Variants in PAQR3 observed in about 807,000 individuals in gnomAD.
PAQR3 encodes Raf kinase trapping to Golgi.
PAQR3 carries 39 observed loss-of-function variants against 41.7 expected under a neutral mutation model. The observed-to-expected ratio is 0.93, with a 90% CI of 0.72 to 1.22. PAQR3 has a LOEUF of 1.22. Among genes scored for constraint, PAQR3 ranks in the 50% most tolerant of loss-of-function variants. The pLI, the probability that PAQR3 is intolerant of heterozygous loss-of-function variation, is 0.00. For missense variants in PAQR3, 366 were observed against 385.6 expected, an observed-to-expected ratio of 0.95 and a Z score of 0.42; for synonymous variants, 140 against 140.6, an observed-to-expected ratio of 1.00 and a Z score of 0.03.
rs1158409250 is a variant in PAQR3, at chr4:78,918,998, C to T, written c.*1541G>A. 4 of 984,774 alleles carry T rather than the reference C, an allele frequency of 4.1e-6. No homozygotes were observed. The highest frequency in any genetic ancestry group is 6.2e-5 in the Admixed American group (1 of 16,172). The allele number at this position is 984,774 out of a possible 1,614,324, so 61.0% of individuals were successfully genotyped here. A position where few individuals can be genotyped will look rare whatever the true frequency, so the allele number is the denominator to read the frequency against. Reference sequence around the variant, plus strand: ...TTCCATCATAACGATGGGTAAGACACGGTATTCCTTTACTGAGCCTCCTGG... The same window carrying T: ...TTCCATCATAACGATGGGTAAGACATGGTATTCCTTTACTGAGCCTCCTGG... On this transcript the variant is annotated 3_prime_UTR_variant, in exon 6 of 6. Transcript: ENST00000512733.
chr4:78,928,937 C>T (rs754624992), intron 3 of PAQR3, among the ~76,000 whole-genome samples: 4 of 152,256 alleles, frequency 2.6e-5, no homozygotes, highest in Non-Finnish European at 5.9e-5. Flanking sequence ...ATTGCACAAC[C>T]TAAATCCTTT....
At chr4:78,935,043 C>CT in intron 2 of PAQR3, 78 bp downstream of exon 2, 3 of 1,401,224 alleles carry the variant, frequency 2.1e-6, no homozygotes, top group Non-Finnish European at 9.8e-7. Flanking sequence ...AGTGGTAGGT[C>CT]TGAGGTAAGG....
chr4:78,919,808 T>G lies in PAQR3; in HGVS notation c.*731A>C. 1 of 982,306 alleles carries G rather than the reference T, an allele frequency of 1.0e-6. No individual in the cohort carries two copies. Among genetic ancestry groups the G allele is most frequent in the Non-Finnish European group, 1.2e-6 (1 of 827,092 alleles). The allele number at this position is 982,306 out of a possible 1,614,324, so 60.8% of individuals were successfully genotyped here. A position where few individuals can be genotyped will look rare whatever the true frequency, so the allele number is the denominator to read the frequency against. On this transcript the variant is annotated 3_prime_UTR_variant, in exon 6 of 6. Transcript: ENST00000512733. The stretch of plus-strand genomic sequence containing the variant: ...GGAATTAAAATGTTTAGGTGGCTAA[T>G]GACTATATTATTTGACCACATAATT...
chr4:78,911,961 A>C lies in PAQR3; in HGVS notation c.*8578T>G, dbSNP rs1734649688. ...AACTTGTGGTGCAAAGCATCACTCC[A>C]CATCAGTCCCAACAGTCCCAACCAG... On this transcript the variant is annotated 3_prime_UTR_variant, in exon 6 of 6. Transcript: ENST00000512733. 1 of 1,613,878 alleles carries C rather than the reference A, an allele frequency of 6.2e-7. No homozygotes were observed. The highest frequency in any genetic ancestry group is 8.5e-7 in the Non-Finnish European group (1 of 1,179,880).
At position 78,935,208 on chromosome 4, in the gene PAQR3, T is replaced by C; in HGVS notation, c.261A>G (p.Gly87=). The C allele has an allele frequency of 6.2e-7, 1 of 1,613,754 alleles. No individual in the cohort carries two copies. The highest frequency in any genetic ancestry group is 8.5e-7 in the Non-Finnish European group (1 of 1,179,748). The part of the protein sequence containing the change: ...LLGFFLFFTL[G]IYDMTSVLPS... ...GTAACACAGATGTCATGTCATATAT[T>C]CCCAGGGTGAAGAAGAGAAAGAAAC... is the stretch of plus-strand genomic sequence containing the variant. The change falls in exon 2 of 6, where the codon GGA becomes GGG. Residue 87 remains glycine (G), a synonymous_variant. Transcript: ENST00000512733.
chr4:78,905,019 T>C (rs928417123), intron 11 of PAQR3, among the ~76,000 whole-genome samples: 3 of 151,952 alleles, frequency 2.0e-5, no homozygotes, highest in East Asian at 1.9e-4. Context: ...TGTATAAATA[T>C]GTGGAATATA....
At chr4:78,897,614 T>A (rs1733770775) in intron 11 of PAQR3, among the ~76,000 whole-genome samples, 1 of 152,194 alleles carries the variant, frequency 6.6e-6, no homozygotes. Context: ...TGTAAAACTT[T>A]TTGATCCTTT....
rs553681933 is a variant in PAQR3, at chr4:78,912,386, G to A, written c.*8153C>T. 38 of 189,832 alleles carry A rather than the reference G, an allele frequency of 2.0e-4. No individual in the cohort carries two copies. The highest frequency in any genetic ancestry group is 8.4e-4 in the African/African-American group (36 of 42,856). The allele number at this position is 189,832 out of a possible 1,614,324, so 11.8% of individuals were successfully genotyped here. The stretch of plus-strand genomic sequence containing the variant: ...AAACTGTTATTTTTGATATCAGAAT[G>A]TCATTTTTATGTGCATATCCCTAAA... On this transcript the variant is annotated 3_prime_UTR_variant, in exon 6 of 6. Coordinates refer to ENST00000512733, the MANE Select transcript of PAQR3 (RefSeq NM_001040202.2).
intron 4 of PAQR3, 66 bp from the exon 5 acceptor site, chr4:78,924,013 A>C: frequency 8.7e-7 from 1 of 1,156,034 alleles, no homozygotes; most frequent in Non-Finnish European, 1.3e-6. Flanking sequence ...TTTATTATGA[A>C]TCTAATAGTG....
At chr4:78,927,191 T>TCTAA (rs1470803837) in intron 3 of PAQR3, among the ~76,000 whole-genome samples, 1 of 152,112 alleles carries the variant, frequency 6.6e-6, no homozygotes, top group Non-Finnish European at 1.5e-5. Flanking sequence ...AGAGATGACA[T>TCTAA]CTAAGATTTT....
chr4:78,920,789 G>A, intron 5 of PAQR3, 108 bp from the exon 6 acceptor site: 1 of 1,217,658 alleles, frequency 8.2e-7, no homozygotes, highest in Non-Finnish European at 1.1e-6. Flanking sequence ...CATAGTCTCA[G>A]AGTGCCTAGA....
At chr4:78,889,582 A>C (rs1733315293) in intron 11 of PAQR3, among the ~76,000 whole-genome samples, 1 of 152,216 alleles carries the variant, frequency 6.6e-6, no homozygotes. Flanking sequence ...GAACCTACTG[A>C]AACAAGAATT....
Position 78,912,505 on chromosome 4 carries a change from T to C in PAQR3, c.*8034A>G, listed in dbSNP as rs1279720724. On this transcript the variant is annotated 3_prime_UTR_variant, in exon 6 of 6. Coordinates refer to ENST00000512733, the MANE Select transcript of PAQR3 (RefSeq NM_001040202.2). ...ACAGTTAAAAACAATCTAGTTATCT[T>C]AAAGCATTAGAAAGTTATTATCTGG... 1 of 154,358 alleles carries C rather than the reference T, an allele frequency of 6.5e-6. No homozygotes were observed. Among genetic ancestry groups the C allele is most frequent in the East Asian group, 1.9e-4 (1 of 5,220 alleles). 9.6% of individuals were successfully genotyped at this position (154,358 alleles called of 1,614,324 possible). A position where few individuals can be genotyped will look rare whatever the true frequency, so the allele number is the denominator to read the frequency against.
chr4:78,936,351 CA>C (rs1658945260), intron 1 of PAQR3, among the ~76,000 whole-genome samples: 1 of 152,196 alleles, frequency 6.6e-6, no homozygotes, highest in African/African-American at 2.4e-5. Flanking sequence ...ATGACATTGA[CA>C]TATAACTCTA....
At chr4:78,896,730 CTG>C (rs757155775) in intron 11 of PAQR3, among the ~76,000 whole-genome samples, 15 of 152,272 alleles carry the variant, frequency 9.9e-5, no homozygotes, top group Admixed American at 2.0e-4. Context: ...AATATTTAAA[CTG>C]TTTTTTATCA....
downstream of PAQR3, among the ~76,000 whole-genome samples, chr4:78,907,830 T>C (rs1168322213): frequency 2.0e-5 from 3 of 152,160 alleles, no homozygotes; most frequent in Non-Finnish European, 4.4e-5. Flanking sequence ...GGAATGTTAC[T>C]TGGAGGTGTC....
chr4:78,904,053 T>C (rs1050935948), intron 11 of PAQR3, among the ~76,000 whole-genome samples: 3 of 151,950 alleles, frequency 2.0e-5, no homozygotes, highest in Admixed American at 6.6e-5. Flanking sequence ...TTTCAAGATA[T>C]AATTGGAATT....
Position 78,916,814 on chromosome 4 carries a change from T to C in PAQR3, c.*3725A>G, listed in dbSNP as rs1281248192. ...CTCAATTATATCAGAAAAGAGGCTATGACACATTAAAGAGAAAACCTATTT... is the reference window on the plus strand; with the variant it reads ...CTCAATTATATCAGAAAAGAGGCTACGACACATTAAAGAGAAAACCTATTT... On this transcript the variant is annotated 3_prime_UTR_variant, in exon 6 of 6. Transcript: ENST00000512733. The C allele has an allele frequency of 1.3e-5, 2 of 151,904 alleles. No homozygotes were observed. The highest frequency in any genetic ancestry group is 2.9e-5 in the Non-Finnish European group (2 of 67,858). The allele number at this position is 151,904 out of a possible 1,614,324, so 9.4% of individuals were successfully genotyped here.
chr4:78,931,648 G>A (rs930191024), intron 2 of PAQR3, among the ~76,000 whole-genome samples: 1 of 152,092 alleles, frequency 6.6e-6, no homozygotes, highest in Non-Finnish European at 1.5e-5. Context: ...AAAGGTGGGA[G>A]GATATTGACT....
Sources: allele counts gnomAD v4.1 joint callset (sites outside exome capture counted in the v4.1 genomes callset), GRCh38; gene constraint gnomAD v4.1.1; transcripts MANE v1.5; gene names NCBI Gene and HGNC (gene_info 2026-07-23, HGNC 2026-07-21).